The following ATF7IP variants were observed in gnomAD, a reference collection of about 807,000 sequenced individuals.
ATF7IP encodes the protein activating transcription factor 7-interacting protein 1.
In ATF7IP, 23 loss-of-function variants were observed where a neutral mutation model predicts 106.4. That is an observed-to-expected ratio of 0.22 (90% CI 0.16 to 0.31). The LOEUF (loss-of-function observed/expected upper bound fraction) is 0.31, where lower values mean the gene tolerates loss of function less well. Ranked by LOEUF, ATF7IP falls within the 10% of genes least tolerant of loss-of-function variation. The pLI is 1.00. For missense variants in ATF7IP, 1,334 were observed against 1,524.3 expected, an observed-to-expected ratio of 0.88 and a Z score of 2.08; for synonymous variants, 542 against 539.0, an observed-to-expected ratio of 1.01 and a Z score of -0.08.
At chr12:14,490,179 T>C (rs1944764792) in intron 13 of ATF7IP, among the ~76,000 whole-genome samples, 1 of 152,252 alleles carries the variant, frequency 6.6e-6, no homozygotes, top group South Asian at 2.1e-4. Context: ...ATGAGCCCAT[T>C]GGGCGATGAC....
At chr12:14,408,856 A>G (rs981796184) in intron 1 of ATF7IP, among the ~76,000 whole-genome samples, 1 of 152,138 alleles carries the variant, frequency 6.6e-6, no homozygotes, top group South Asian at 2.1e-4. Flanking sequence ...TTTTTCATGT[A>G]GGAATTATTT....
At chr12:14,402,462 T>A (rs542366682) in intron 1 of ATF7IP, among the ~76,000 whole-genome samples, 1 of 152,080 alleles carries the variant, frequency 6.6e-6, no homozygotes, top group Non-Finnish European at 1.5e-5. Flanking sequence ...TTTTTTTCTT[T>A]AGTCACCTCC....
chr12:14,404,084 C>G (rs1459882934), intron 1 of ATF7IP, among the ~76,000 whole-genome samples: 2 of 151,582 alleles, frequency 1.3e-5, no homozygotes, highest in African/African-American at 2.4e-5. Context: ...TAATACTAAC[C>G]CTATCAGGAA....
intron 5 of ATF7IP, 47 bp downstream of exon 5, chr12:14,438,314 A>G (rs765463202): frequency 2.0e-6 from 3 of 1,476,440 alleles, no homozygotes; most frequent in Non-Finnish European, 2.8e-6. Context: ...CATTGTTTTT[A>G]TAACTTATTT....
chr12:14,393,649 GA>G, intron 1 of ATF7IP, among the ~76,000 whole-genome samples: 1 of 152,158 alleles, frequency 6.6e-6, no homozygotes, highest in East Asian at 1.9e-4. Flanking sequence ...GAAGATAGCT[GA>G]AAATAAGATT....
chr12:14,413,536 C>T (rs1398183712), intron 1 of ATF7IP, among the ~76,000 whole-genome samples: 4 of 152,274 alleles, frequency 2.6e-5, no homozygotes, highest in Non-Finnish European at 5.9e-5. Context: ...AAGAAAACAA[C>T]TTGGTACTGA....
chr12:14,425,203 A>G lies in ATF7IP; in HGVS notation c.1288A>G (p.Met430Val), dbSNP rs769322964. The change falls in exon 2 of 15, where the codon ATG becomes GTG. Residue 430 changes from methionine to valine, a missense_variant. Transcript: ENST00000261168. ...GAATATCTTAGAAAATACAGACTCT[A>G]TGGAGACAGATGAAATCATTCCTAT... Reference protein sequence around the residue: ...SENILENTDSMETDEIIPILE... With the variant: ...SENILENTDSVETDEIIPILE... 4.1e-5 allele frequency: 65 copies of G among 1,596,004 alleles called. No homozygotes were observed. Among genetic ancestry groups the G allele is most frequent in the Non-Finnish European group, 5.3e-5 (62 of 1,175,066 alleles).
At chr12:14,425,562 T>C in intron 2 of ATF7IP, 89 bp downstream of exon 2, 1 of 1,333,114 alleles carries the variant, frequency 7.5e-7, no homozygotes, top group East Asian at 2.5e-5. Context: ...AAATTTATTT[T>C]AGCTGCAGAG....
At chr12:14,422,235 C>T (rs2136541301) in intron 1 of ATF7IP, among the ~76,000 whole-genome samples, 1 of 151,196 alleles carries the variant, frequency 6.6e-6, no homozygotes, top group East Asian at 1.9e-4. Flanking sequence ...CAAGAAATAT[C>T]AGCCAAGTAA....
intron 1 of ATF7IP, among the ~76,000 whole-genome samples, chr12:14,377,007 T>G (rs1938769913): frequency 6.6e-6 from 1 of 152,172 alleles, no homozygotes; most frequent in Non-Finnish European, 1.5e-5. Flanking sequence ...TGTTTGTTTG[T>G]TTTTTGAGAC....
Position 14,377,334 on chromosome 12 carries a change from C to T in ATF7IP, c.-8+11507C>T, listed in dbSNP as rs142217414. On this transcript the variant is annotated intron_variant, in intron 1 of 14. Transcript: ENST00000261168. ...AAATTTCACATTTCCAGTGTGGTTA[C>T]GGTTACAAATTTGATTTATCCAATT... Among the ~76,000 whole-genome samples the T allele has an allele frequency of 9.3e-3, 1,380 of 148,896 alleles. 13 individuals carry two copies. The highest frequency in any genetic ancestry group is 0.027 in the African/African-American group (1,101 of 40,484).
In ATF7IP at chr12:14,475,892, T is replaced by C. The variant is rs1217559785; in HGVS notation, c.2865T>C (p.Cys955=). The C allele has an allele frequency of 1.1e-5, 17 of 1,606,658 alleles. No individual in the cohort carries two copies. Among genetic ancestry groups the C allele is most frequent in the African/African-American group, 8.1e-5 (6 of 74,396 alleles). Residue 955 remains cysteine (C), a splice_region_variant and synonymous_variant, in exon 11 of 15, where the codon TGT becomes TGC. Transcript: ENST00000261168. ...AATGTAGAAGTTTTGTTTTTCAGTG[T>C]GGAAAAGCCACTGGCAGTGATTCAA... ...SKKAADSTSQ[C]GKATGSDSSG...
At chr12:14,426,349 A>AT (rs1429598161) in intron 2 of ATF7IP, among the ~76,000 whole-genome samples, 1 of 152,048 alleles carries the variant, frequency 6.6e-6, no homozygotes, top group Non-Finnish European at 1.5e-5. Flanking sequence ...TTTTCCCATT[A>AT]TATCACATTC....
At chr12:14,373,740 A>C (rs988847336) in intron 1 of ATF7IP, among the ~76,000 whole-genome samples, 1 of 152,174 alleles carries the variant, frequency 6.6e-6, no homozygotes, top group Non-Finnish European at 1.5e-5. Flanking sequence ...ATTTAGGTTC[A>C]GTTATAGTAT....
chr12:14,400,544 G>A (rs1940135167), intron 1 of ATF7IP, among the ~76,000 whole-genome samples: 1 of 151,958 alleles, frequency 6.6e-6, no homozygotes, highest in Admixed American at 6.6e-5. Context: ...TGCTTTTTTG[G>A]TGTGCTTGAT....
At chr12:14,495,213 A>G (rs773185890) in intron 13 of ATF7IP, among the ~76,000 whole-genome samples, 10 of 152,142 alleles carry the variant, frequency 6.6e-5, no homozygotes, top group Non-Finnish European at 1.3e-4. Context: ...TCAAATGTTA[A>G]TCTCTTTTGG....
intron 2 of ATF7IP, among the ~76,000 whole-genome samples, chr12:14,430,812 G>A (rs1471000457): frequency 6.6e-6 from 1 of 152,138 alleles, no homozygotes; most frequent in East Asian, 1.9e-4. Context: ...ATGGTAATTT[G>A]TTTACATGTC....
intron 9 of ATF7IP, among the ~76,000 whole-genome samples, chr12:14,462,929 A>C (rs1172444241): frequency 6.6e-6 from 1 of 152,024 alleles, no homozygotes; most frequent in African/African-American, 2.4e-5. Flanking sequence ...TAATGAATAA[A>C]TGTGAATGAC....
chr12:14,481,284 C>A, intron 13 of ATF7IP, 99 bp downstream of exon 13: 1 of 1,094,690 alleles, frequency 9.1e-7, no homozygotes, highest in Non-Finnish European at 1.3e-6. Context: ...GCAAAAATTT[C>A]TTATAATGTC....
Sources: allele counts gnomAD v4.1 joint callset (sites outside exome capture counted in the v4.1 genomes callset), GRCh38; gene constraint gnomAD v4.1.1; transcripts MANE v1.5; gene names NCBI Gene and HGNC (gene_info 2026-07-23, HGNC 2026-07-21).